Variants in CAPS2 observed in about 807,000 individuals in gnomAD.
The protein encoded by CAPS2 is calcyphosine 2, also known as calcyphosin-2.
In CAPS2, 98 loss-of-function variants were observed where a neutral mutation model predicts 86.5. That is an observed-to-expected ratio of 1.13 (90% CI 0.96 to 1.34). The LOEUF (loss-of-function observed/expected upper bound fraction) is 1.34. Among genes scored for constraint, CAPS2 ranks in the 40% most tolerant of loss-of-function variants. CAPS2 has a pLI of 0.00. For synonymous variants in CAPS2, 210 were observed against 225.1 expected (o/e 0.93, Z 0.60); for missense variants, 729 against 686.8 (o/e 1.06, Z -0.69).
chr12:75,343,976 G>A (rs2042286982), intron 1 of CAPS2: 1 of 1,507,804 alleles, frequency 6.6e-7, no homozygotes, highest in South Asian at 1.3e-5. Context: ...GTTCTTATTT[G>A]TGCATATTTT....
intron 16 of CAPS2, among the ~76,000 whole-genome samples, chr12:75,282,019 G>T (rs959078700): frequency 2.6e-5 from 4 of 151,982 alleles, no homozygotes; most frequent in African/African-American, 9.7e-5. Flanking sequence ...TATCTCCTAA[G>T]TAGGAAATGA....
intron 1 of CAPS2, among the ~76,000 whole-genome samples, chr12:75,384,768 A>C (rs1218866919): frequency 6.6e-6 from 1 of 152,226 alleles, no homozygotes; most frequent in Non-Finnish European, 1.5e-5. Flanking sequence ...GATACTAAGC[A>C]AATTGAATTC....
At chr12:75,346,950 A>C (rs192650567) in intron 1 of CAPS2, among the ~76,000 whole-genome samples, 5 of 152,140 alleles carry the variant, frequency 3.3e-5, no homozygotes, top group Non-Finnish European at 7.4e-5. Flanking sequence ...TGGAAAATGA[A>C]AAAATTTTAT....
intron 1 of CAPS2, among the ~76,000 whole-genome samples, chr12:75,364,479 T>C (rs763695735): frequency 6.6e-5 from 10 of 152,328 alleles, no homozygotes; most frequent in African/African-American, 1.2e-4. Context: ...GAACCCCTAT[T>C]GCCAAGGGAC....
chr12:75,306,191 A>G, intron 7 of CAPS2: 1 of 766,790 alleles, frequency 1.3e-6, no homozygotes, highest in Non-Finnish European at 2.2e-6. Flanking sequence ...CCCGGCCCCT[A>G]CGTGGAGCAG....
intron 1 of CAPS2, among the ~76,000 whole-genome samples, chr12:75,353,669 A>G (rs2042960367): frequency 6.6e-6 from 1 of 152,186 alleles, no homozygotes; most frequent in Admixed American, 6.5e-5. Context: ...CCTGATACCA[A>G]AACCTGGCAA....
chr12:75,322,121 T>A lies in CAPS2; in HGVS notation c.292-545A>T, dbSNP rs974929035. 2.0e-5 allele frequency among the ~76,000 whole-genome samples: 3 copies of A among 152,310 alleles called. No homozygotes were observed. In the East Asian group the frequency reaches 5.8e-4, roughly 29 times the overall value. On this transcript the variant is annotated intron_variant, in intron 4 of 16. Coordinates refer to ENST00000393284, the Ensembl canonical transcript of CAPS2. Reference sequence around the variant, plus strand: ...TGCATTAAGGAAATAAAAGTTTTACTTAAAAAATATTTTGAACCATTTTGC... The same window carrying A: ...TGCATTAAGGAAATAAAAGTTTTACATAAAAAATATTTTGAACCATTTTGC...
At chr12:75,329,535 C>T (rs368430786), upstream of CAPS2, among the ~76,000 whole-genome samples, 48 of 150,196 alleles carry the variant, frequency 3.2e-4, no homozygotes, top group African/African-American at 1.2e-3. Context: ...TCACTTCTCT[C>T]GGTAGTAATA....
At chr12:75,371,974 C>T (rs2044387071) in intron 1 of CAPS2, among the ~76,000 whole-genome samples, 1 of 152,094 alleles carries the variant, frequency 6.6e-6, no homozygotes, top group Non-Finnish European at 1.5e-5. Flanking sequence ...TCTTCCTTAC[C>T]TCCATTAAGG....
chr12:75,332,937 A>G (rs932737140), upstream of CAPS2, among the ~76,000 whole-genome samples: 5 of 152,362 alleles, frequency 3.3e-5, no homozygotes, highest in African/African-American at 9.6e-5. Flanking sequence ...AGGGAACTCT[A>G]TAAAGAGCAC....
intron 1 of CAPS2, chr12:75,366,855 A>C (rs2043999496): frequency 1.4e-6 from 1 of 700,812 alleles, no homozygotes. Flanking sequence ...CATTTCTTGA[A>C]TGAGTCTTTT....
chr12:75,306,078 C>T, intron 7 of CAPS2: 1 of 1,469,320 alleles, frequency 6.8e-7, no homozygotes, highest in Non-Finnish European at 9.4e-7. Flanking sequence ...GCTGCGCGTC[C>T]TGGGGCTGCG....
rs772360094 is a variant in CAPS2 at position 75,289,794 on chromosome 12, G to A, written c.1241-19C>T. Reference sequence around the variant, plus strand: ...AGCACATCTGTTCAACAAGAAGAGAGATGAAAACAAATTGTTCCTATGCAT... The same window carrying A: ...AGCACATCTGTTCAACAAGAAGAGAAATGAAAACAAATTGTTCCTATGCAT... On this transcript the variant is annotated intron_variant, in intron 13 of 16. Transcript: ENST00000393284. 4 of 1,587,520 alleles carry A rather than the reference G, an allele frequency of 2.5e-6. No individual in the cohort carries two copies. In the African/African-American group the frequency reaches 5.4e-5, roughly 21 times the overall value.
intron 16 of CAPS2, among the ~76,000 whole-genome samples, 178 bp from the exon 17 acceptor site, chr12:75,279,243 C>T (rs1565747209): frequency 6.6e-6 from 1 of 151,916 alleles, no homozygotes; most frequent in African/African-American, 2.4e-5. Flanking sequence ...ATTCGATTTG[C>T]CACTCCTTCC....
intron 9 of CAPS2, 91 bp from the exon 10 acceptor site, chr12:75,299,057 T>C: frequency 1.2e-6 from 1 of 804,600 alleles, no homozygotes; most frequent in Non-Finnish European, 1.9e-6. Flanking sequence ...GAAGGATAGC[T>C]AACTCTCTTA....
At chr12:75,356,929 G>A (rs755191898) in intron 1 of CAPS2, among the ~76,000 whole-genome samples, 4 of 152,090 alleles carry the variant, frequency 2.6e-5, no homozygotes, top group Non-Finnish European at 5.9e-5. Context: ...CAGCAGACAC[G>A]TAATCCCAAC....
intron 1 of CAPS2, among the ~76,000 whole-genome samples, chr12:75,377,483 A>C (rs1174218207): frequency 6.6e-6 from 1 of 152,350 alleles, no homozygotes; most frequent in African/African-American, 2.4e-5. Flanking sequence ...CAATGCAGCC[A>C]TCAGTCTGTG....
chr12:75,343,906 T>C (rs1005258219), intron 1 of CAPS2: 12 of 1,611,326 alleles, frequency 7.4e-6, no homozygotes, highest in African/African-American at 1.3e-5. Context: ...TGATAGTCTA[T>C]CATGCTCCAG....
chr12:75,327,478 C>T (rs112202439), upstream of CAPS2, among the ~76,000 whole-genome samples: 432 of 152,096 alleles, frequency 2.8e-3, 2 homozygotes, highest in African/African-American at 0.01. Context: ...TTATACTTCA[C>T]CTTTATATTA....
Sources: gnomAD v4.1 joint callset for allele counts (sites outside exome capture counted in the v4.1 genomes callset) on GRCh38, gnomAD v4.1.1 for gene constraint, MANE v1.5 for transcripts, NCBI Gene and HGNC (gene_info 2026-07-23, HGNC 2026-07-21) for gene names.